ZNF264: variants seen among roughly 807,000 people sequenced by gnomAD.
ZNF264 encodes zinc finger protein 264.
In ZNF264, 11 loss-of-function variants were observed where a neutral mutation model predicts 11.2. That is an observed-to-expected ratio of 0.98 (90% confidence interval 0.62 to 1.63). The LOEUF (loss-of-function observed/expected upper bound fraction) is 1.63. ZNF264 is among the 40% of genes most tolerant of loss of function. The pLI is 0.00. For synonymous variants in ZNF264, 309 were observed against 279.8 expected (o/e 1.10, Z -1.04); for missense variants, 752 against 768.1 (o/e 0.98, Z 0.25).
In ZNF264 at chr19:57,212,323, A is replaced by G; in HGVS notation, c.1226A>G (p.Asn409Ser). Residue 409 changes from asparagine (N) to serine (S), a missense_variant, in exon 4 of 4, where the codon AAC becomes AGC. Physicochemically the swap from Asn to Ser is conservative, Grantham distance 46 (BLOSUM62 1). Coordinates refer to ENST00000263095, the MANE Select transcript of ZNF264 (RefSeq NM_003417.5). Reference protein sequence around the residue: ...FECLECGKAFNHRSYLKRHQR... With the variant: ...FECLECGKAFSHRSYLKRHQR... ...TGCCTCGAGTGTGGGAAGGCTTTCA[A>G]CCACCGATCCTACCTCAAGAGGCAC... 1.2e-6 allele frequency: 2 copies of G among 1,607,064 alleles called. No homozygotes were observed. Among genetic ancestry groups the G allele is most frequent in the South Asian group, 1.1e-5 (1 of 90,770 alleles).
intron 1 of ZNF264, chr19:57,192,309 T>C: frequency 2.0e-6 from 2 of 982,186 alleles, no homozygotes; most frequent in Non-Finnish European, 1.2e-6. Flanking sequence ...GTATGTTGTA[T>C]GTTTAAGGAG....
chr19:57,198,798 T>G (rs2087230862), intron 2 of ZNF264, among the ~76,000 whole-genome samples: 1 of 151,878 alleles, frequency 6.6e-6, no homozygotes, highest in South Asian at 2.1e-4. Context: ...AGAGGTCTCC[T>G]TAGGGAAGGA....
At chr19:57,197,657 T>G (rs1347875037) in intron 2 of ZNF264, among the ~76,000 whole-genome samples, 1 of 151,904 alleles carries the variant, frequency 6.6e-6, no homozygotes, top group African/African-American at 2.4e-5. Context: ...ACTCGATAAA[T>G]GGGCTGGAGT....
Position 57,211,966 on chromosome 19 carries a change from A to G in ZNF264, c.869A>G (p.Asn290Ser), listed in dbSNP as rs144185530. 2.4e-5 allele frequency: 39 copies of G among 1,613,278 alleles called. No individual in the cohort carries two copies. The highest frequency in any genetic ancestry group is 2.8e-5 in the Non-Finnish European group (33 of 1,179,808). Residue 290 changes from asparagine (N) to serine (S), a missense_variant, in exon 4 of 4, where the codon AAT becomes AGT. Asn to Ser is a conservative substitution (Grantham distance 46). Transcript: ENST00000263095. Reference protein sequence around the residue: ...IHSGEKPYKCNECGKAFTHRS... With the variant: ...IHSGEKPYKCSECGKAFTHRS... ...AGTGGAGAGAAGCCTTACAAGTGCA[A>G]TGAATGCGGAAAGGCCTTCACCCAC...
At chr19:57,210,193 C>T (rs1404466944) in intron 3 of ZNF264, among the ~76,000 whole-genome samples, 2 of 152,122 alleles carry the variant, frequency 1.3e-5, no homozygotes, top group Non-Finnish European at 2.9e-5. Context: ...CCTGCTTTCT[C>T]TTTATGGCAA....
At chr19:57,204,278 G>A (rs2087275540) in intron 2 of ZNF264, among the ~76,000 whole-genome samples, 1 of 151,930 alleles carries the variant, frequency 6.6e-6, no homozygotes, top group South Asian at 2.1e-4. Context: ...CTGTTCCTCA[G>A]TGTTCTCATT....
rs148458618 is a variant in ZNF264, at chr19:57,192,772, C to T, written c.33+826C>T. ...TTTGAGACAGGGTCTCACTCTGTCGCCCAGGCTGGAGTACAGTGGTGCACT... is the reference window on the plus strand; with the variant it reads ...TTTGAGACAGGGTCTCACTCTGTCGTCCAGGCTGGAGTACAGTGGTGCACT... On this transcript the variant is annotated intron_variant, in intron 1 of 3. Coordinates refer to ENST00000263095, the MANE Select transcript of ZNF264 (RefSeq NM_003417.5). Among the ~76,000 whole-genome samples, 418 of 152,188 alleles carry T rather than the reference C, an allele frequency of 2.7e-3. 1 individual carries two copies. The highest frequency in any genetic ancestry group is 9.4e-3 in the African/African-American group (392 of 41,542).
rs961947455 is a variant in ZNF264 at position 57,216,916 on chromosome 19, G to A, written c.*3935G>A. The A allele has an allele frequency of 1.3e-5, 2 of 149,368 alleles. No individual in the cohort carries two copies. The highest frequency in any genetic ancestry group is 4.9e-5 in the African/African-American group (2 of 40,434). The allele number at this position is 149,368 out of a possible 1,614,324, so 9.3% of individuals were successfully genotyped here. ...TACATATGTAGTGTTTTTTAGTATA[G>A]ATCCTCCTTGACTTATGATGGGGTT... On this transcript the variant is annotated 3_prime_UTR_variant, in exon 4 of 4. Coordinates refer to ENST00000263095, the MANE Select transcript of ZNF264 (RefSeq NM_003417.5).
intron 1 of ZNF264, 139 bp from the exon 2 acceptor site, chr19:57,193,736 C>G: frequency 7.8e-7 from 1 of 1,277,916 alleles, no homozygotes; most frequent in Non-Finnish European, 1.1e-6. Flanking sequence ...CCCTCTTGAG[C>G]CCAGCACAGA....
intron 3 of ZNF264, among the ~76,000 whole-genome samples, chr19:57,209,452 T>C (rs2087317852): frequency 6.6e-6 from 1 of 152,232 alleles, no homozygotes; most frequent in Non-Finnish European, 1.5e-5. Flanking sequence ...GGGAATTATA[T>C]TGAATTTATA....
chr19:57,194,042 C>T (rs887920659), intron 2 of ZNF264, 41 bp downstream of exon 2: 13 of 1,562,176 alleles, frequency 8.3e-6, no homozygotes, highest in African/African-American at 4.1e-5. Flanking sequence ...GGTGACCTGC[C>T]ACTTCCTTCA....
chr19:57,196,872 A>G (rs986457257), intron 2 of ZNF264, among the ~76,000 whole-genome samples: 1 of 151,870 alleles, frequency 6.6e-6, no homozygotes, highest in Non-Finnish European at 1.5e-5. Context: ...GCTACAGCCC[A>G]TGAATCAGTA....
rs115405411 is a variant in ZNF264 at position 57,212,070 on chromosome 19, C to T, written c.973C>T (p.Arg325Ter). ...FVCTECGQVF[R>*]HRPGFLRHYV... The stretch of plus-strand genomic sequence containing the variant: ...GTGCACAGAATGTGGCCAAGTCTTT[C>T]GACATAGGCCAGGCTTTCTCCGGCA... Residue 325 changes from arginine (R) to a stop codon, truncating the protein, a stop_gained, in exon 4 of 4, where the codon CGA (arginine) becomes TGA (stop). Transcript: ENST00000263095. LOFTEE classifies it low-confidence loss of function (END_TRUNC). The T allele has an allele frequency of 7.4e-6, 12 of 1,613,896 alleles. No homozygotes were observed. Among genetic ancestry groups the T allele is most frequent in the East Asian group, 6.7e-5 (3 of 44,836 alleles).
At chr19:57,206,968 G>A (rs2087297695) in intron 3 of ZNF264, among the ~76,000 whole-genome samples, 1 of 142,596 alleles carries the variant, frequency 7.0e-6, no homozygotes, top group Admixed American at 7.2e-5. Context: ...TGCCCGCGTG[G>A]GTTCCTTGAG....
rs1296785979 is a variant in ZNF264, at chr19:57,214,151, A to G, written c.*1170A>G. 3 of 152,210 alleles carry G rather than the reference A, an allele frequency of 2.0e-5. No homozygotes were observed. The highest frequency in any genetic ancestry group is 4.4e-5 in the Non-Finnish European group (3 of 68,044). The allele number at this position is 152,210 out of a possible 1,614,324, so 9.4% of individuals were successfully genotyped here. ...CGACAGAATCCTTGGAATTTTCTAT[A>G]TAGAAATGTCATCTGCAAATACAGA... On this transcript the variant is annotated 3_prime_UTR_variant, in exon 4 of 4. Transcript: ENST00000263095.
At position 57,212,867 on chromosome 19, in the gene ZNF264, A is replaced by T; in HGVS notation, c.1770A>T (p.Leu590Phe). The change falls in exon 4 of 4, where the codon TTA (leucine) becomes TTT (phenylalanine). Residue 590 changes from leucine (L) to phenylalanine (F), a missense_variant. Physicochemically the swap from Leu to Phe is conservative, Grantham distance 22. Coordinates refer to ENST00000263095, the MANE Select transcript of ZNF264 (RefSeq NM_003417.5). ...CAGTTACCCTTCGAGAACTTCTTTTAGGGAAGGACTTTTTGAATGTAACCA... is the reference window on the plus strand; with the variant it reads ...CAGTTACCCTTCGAGAACTTCTTTTTGGGAAGGACTTTTTGAATGTAACCA... ...QTSVTLRELL[L>F]GKDFLNVTTE... 1 of 1,614,174 alleles carries T rather than the reference A, an allele frequency of 6.2e-7. No homozygotes were observed. Among genetic ancestry groups the T allele is most frequent in the Non-Finnish European group, 8.5e-7 (1 of 1,180,010 alleles).
rs1210593281 is a variant in ZNF264, at chr19:57,217,199, C to G, written c.*4218C>G. 1 of 152,110 alleles carries G rather than the reference C, an allele frequency of 6.6e-6. No individual in the cohort carries two copies. Among genetic ancestry groups the G allele is most frequent in the African/African-American group, 2.4e-5 (1 of 41,420 alleles). The allele number at this position is 152,110 out of a possible 1,614,324, so 9.4% of individuals were successfully genotyped here. A position where few individuals can be genotyped will look rare whatever the true frequency, so the allele number is the denominator to read the frequency against. ...ACCATTGTAAAGTCAAGTAGTAAGT[C>G]GAACCATCCTAAGTCAGGGACTGTC... On this transcript the variant is annotated 3_prime_UTR_variant, in exon 4 of 4. Coordinates refer to ENST00000263095, the MANE Select transcript of ZNF264 (RefSeq NM_003417.5).
Position 57,222,395 on chromosome 19 carries a change from G to A in ZNF264, c.*9414G>A, listed in dbSNP as rs954441549. On this transcript the variant is annotated 3_prime_UTR_variant, in exon 4 of 4. Transcript: ENST00000263095. ...GCCTCAGTTTTGTTAAGAGGAAAAA[G>A]CAAATCCTAAGTTACAGTGGAACTT... is the stretch of plus-strand genomic sequence containing the variant. 2.0e-5 allele frequency: 3 copies of A among 147,428 alleles called. No individual in the cohort carries two copies. Among genetic ancestry groups the A allele is most frequent in the African/African-American group, 7.5e-5 (3 of 39,972 alleles). 9.1% of individuals were successfully genotyped at this position (147,428 alleles called of 1,614,324 possible).
intron 1 of ZNF264, chr19:57,193,624 C>T (rs2087190973): frequency 2.3e-6 from 2 of 856,264 alleles, no homozygotes; most frequent in Non-Finnish European, 2.8e-6. Flanking sequence ...CTGTATTTCA[C>T]AGTCCACAAG....
Sources: allele counts gnomAD v4.1 joint callset (sites outside exome capture counted in the v4.1 genomes callset), GRCh38; gene constraint gnomAD v4.1.1; transcripts MANE v1.5; gene names NCBI Gene and HGNC (gene_info 2026-07-23, HGNC 2026-07-21).